SLCO1C1: variants seen among roughly 807,000 people sequenced by gnomAD.
SLCO1C1 encodes solute carrier organic anion transporter family member 1C1.
In SLCO1C1, 70 loss-of-function variants were observed where a neutral mutation model predicts 76.4. That is an observed-to-expected ratio of 0.92 (90% CI 0.76 to 1.12). SLCO1C1 has a LOEUF of 1.12. SLCO1C1 is among the 50% of genes most tolerant of loss of function. SLCO1C1 has a pLI of 0.00. For missense variants in SLCO1C1, 912 were observed against 823.8 expected, an observed-to-expected ratio of 1.11 and a Z score of -1.31; for synonymous variants, 306 against 286.1, an observed-to-expected ratio of 1.07 and a Z score of -0.70.
chr12:20,740,240 A>T lies in SLCO1C1; in HGVS notation c.1605A>T (p.Ser535=), dbSNP rs760452915. ...CAGCTTCTAAATCCGGAAATTCCTC[A>T]GGCATAGTGGGAAGATGTCAGAAAG... is the stretch of plus-strand genomic sequence containing the variant. ...GIAASKSGNS[S]GIVGRCQKDN... The change falls in exon 12 of 15, where the codon TCA becomes TCT. Residue 535 remains serine, a synonymous_variant. Transcript: ENST00000266509. 7.4e-6 allele frequency: 12 copies of T among 1,613,608 alleles called. No individual in the cohort carries two copies. The highest frequency in any genetic ancestry group is 1.0e-5 in the Non-Finnish European group (12 of 1,179,848).
chr12:20,736,004 A>C lies in SLCO1C1; in HGVS notation c.1383-1103A>C, dbSNP rs375527485. Among the ~76,000 whole-genome samples the C allele has an allele frequency of 1.3e-3, 202 of 152,142 alleles. 6 individuals are homozygous for C. The South Asian group carries it at 0.041, about 31-fold the overall frequency. On this transcript the variant is annotated intron_variant, in intron 10 of 14. Coordinates refer to ENST00000266509, the MANE Select transcript of SLCO1C1 (RefSeq NM_017435.5). ...ATCTTTATAAAAAATGGGAGGAAAG[A>C]TATGAGGAATAAGCAAATAAATAAA...
At chr12:20,736,955 C>A in intron 10 of SLCO1C1, 152 bp from the exon 11 acceptor site, 2 of 532,474 alleles carry the variant, frequency 3.8e-6, no homozygotes, top group Non-Finnish European at 6.1e-6. Context: ...ATTTCATGAC[C>A]AGAAGCTGCC....
At chr12:20,741,423 A>G (rs1948811635) in intron 12 of SLCO1C1, among the ~76,000 whole-genome samples, 1 of 152,182 alleles carries the variant, frequency 6.6e-6, no homozygotes, top group Non-Finnish European at 1.5e-5. Flanking sequence ...CTGGTATATT[A>G]TAAATATTTT....
chr12:20,710,738 A>G (rs1947049142), intron 4 of SLCO1C1, among the ~76,000 whole-genome samples: 1 of 152,226 alleles, frequency 6.6e-6, no homozygotes, highest in African/African-American at 2.4e-5. Context: ...CTCCAGAATC[A>G]GCCTTGTAAT....
intron 7 of SLCO1C1, among the ~76,000 whole-genome samples, chr12:20,719,089 G>A (rs1202074975): frequency 7.4e-6 from 1 of 135,310 alleles, no homozygotes; most frequent in Non-Finnish European, 1.5e-5. Context: ...TCCTAATATC[G>A]CAAGCTTTTA....
intron 4 of SLCO1C1, among the ~76,000 whole-genome samples, chr12:20,709,378 A>G (rs1946945742): frequency 6.6e-6 from 1 of 152,162 alleles, no homozygotes; most frequent in Non-Finnish European, 1.5e-5. Context: ...TTTGAAATCA[A>G]AATAATTATG....
intron 5 of SLCO1C1, 103 bp from the exon 6 acceptor site, chr12:20,715,036 C>G (rs1947298610): frequency 7.1e-7 from 1 of 1,400,536 alleles, no homozygotes; most frequent in African/African-American, 1.4e-5. Flanking sequence ...CACAAAAACT[C>G]CTGCATTCTA....
At chr12:20,723,376 C>A in intron 9 of SLCO1C1, 122 bp downstream of exon 9, 1 of 1,135,920 alleles carries the variant, frequency 8.8e-7, no homozygotes, top group Non-Finnish European at 1.2e-6. Context: ...TAGATGAGCT[C>A]AAAAAGTAAC....
At chr12:20,732,463 C>G (rs1433526596) in intron 9 of SLCO1C1, among the ~76,000 whole-genome samples, 1 of 152,124 alleles carries the variant, frequency 6.6e-6, no homozygotes, top group African/African-American at 2.4e-5. Flanking sequence ...ATACCACACT[C>G]AAAGCTAGCA....
chr12:20,705,401 A>C (rs1946724286), intron 3 of SLCO1C1, among the ~76,000 whole-genome samples: 1 of 151,960 alleles, frequency 6.6e-6, no homozygotes. Context: ...TTGAGTCTTA[A>C]TCTTTTTGTA....
At chr12:20,720,285 G>T (rs191408702) in intron 7 of SLCO1C1, among the ~76,000 whole-genome samples, 1 of 152,152 alleles carries the variant, frequency 6.6e-6, no homozygotes, top group African/African-American at 2.4e-5. Context: ...GATGTACAAA[G>T]AGATAAATGT....
intron 10 of SLCO1C1, among the ~76,000 whole-genome samples, chr12:20,735,638 C>G (rs1245058085): frequency 2.0e-5 from 3 of 152,104 alleles, no homozygotes; most frequent in Admixed American, 6.6e-5. Flanking sequence ...CCCTTTCACA[C>G]TATTTGGAGA....
chr12:20,712,610 G>A (rs1202761676), intron 5 of SLCO1C1, among the ~76,000 whole-genome samples: 1 of 152,096 alleles, frequency 6.6e-6, no homozygotes, highest in Non-Finnish European at 1.5e-5. Context: ...TTGTATACAG[G>A]CAGAATGGAA....
intron 9 of SLCO1C1, among the ~76,000 whole-genome samples, chr12:20,728,265 T>C (rs1948120303): frequency 6.6e-6 from 1 of 152,206 alleles, no homozygotes; most frequent in African/African-American, 2.4e-5. Flanking sequence ...ATTTATTGAA[T>C]AGGGAGTCCT....
chr12:20,744,712 C>A (rs1057047378), intron 13 of SLCO1C1, among the ~76,000 whole-genome samples: 1 of 152,126 alleles, frequency 6.6e-6, no homozygotes, highest in Non-Finnish European at 1.5e-5. Context: ...CTTTATTGGG[C>A]AATAACTGGT....
At chr12:20,737,373 G>A (rs2120858089) in intron 11 of SLCO1C1, 101 bp downstream of exon 11, 2 of 1,216,670 alleles carry the variant, frequency 1.6e-6, no homozygotes, top group African/African-American at 3.2e-5. Context: ...TAGGAGGCTT[G>A]CCTCTTACCT....
At position 20,711,337 on chromosome 12, in the gene SLCO1C1, A is replaced by C. The variant is rs190378510; in HGVS notation, c.405-49A>C. On this transcript the variant is annotated intron_variant, in intron 4 of 14. Coordinates refer to ENST00000266509, the MANE Select transcript of SLCO1C1 (RefSeq NM_017435.5). ...CGTGTAGCATACACATAATATTCTTAGTATGATGTTAATGAGTCTATCATG... is the reference window on the plus strand; with the variant it reads ...CGTGTAGCATACACATAATATTCTTCGTATGATGTTAATGAGTCTATCATG... 9 of 1,583,890 alleles carry C rather than the reference A, an allele frequency of 5.7e-6. No homozygotes were observed. In the African/African-American group the frequency reaches 6.8e-5, roughly 12 times the overall value.
At position 20,717,648 on chromosome 12, in the gene SLCO1C1, C is replaced by CTTTT. The variant is rs534946900; in HGVS notation, c.775+459_775+462dup. ...GTCTACTGGCAACCAAACAGCCCTTCTTTTTTTTTTTTTTTTTTTTTTTTT... is the reference window on the plus strand; with the variant it reads ...GTCTACTGGCAACCAAACAGCCCTTCTTTTTTTTTTTTTTTTTTTTTTTTTTTTT... On this transcript the variant is annotated intron_variant, in intron 7 of 14. Transcript: ENST00000266509. Among the ~76,000 whole-genome samples, 193 of 42,290 alleles carry CTTTT rather than the reference C, an allele frequency of 4.6e-3. 17 individuals are homozygous for CTTTT. The highest frequency in any genetic ancestry group is 0.014 in the Middle Eastern group (1 of 70). The allele number at this position is 42,290 out of a possible 152,430, so 27.7% of individuals were successfully genotyped here. A position where few individuals can be genotyped will look rare whatever the true frequency, so the allele number is the denominator to read the frequency against.
At chr12:20,711,543 C>CT (rs1277332813) in intron 5 of SLCO1C1, 33 bp downstream of exon 5, 1 of 1,599,410 alleles carries the variant, frequency 6.3e-7, no homozygotes, top group South Asian at 1.1e-5. Context: ...ACTAAACAAG[C>CT]TTTTAAAAAA....
Sources: allele counts gnomAD v4.1 joint callset (sites outside exome capture counted in the v4.1 genomes callset), GRCh38; gene constraint gnomAD v4.1.1; transcripts MANE v1.5; gene names NCBI Gene and HGNC (gene_info 2026-07-23, HGNC 2026-07-21).